ZNF609: variants seen among roughly 807,000 people sequenced by gnomAD.
The protein encoded by ZNF609 is zinc finger protein 609.
A neutral mutation model predicts 109.5 loss-of-function variants in ZNF609; 11 were observed. That is an observed-to-expected ratio of 0.10 (90% CI 0.06 to 0.17). The LOEUF is 0.17. ZNF609 is among the 10% of genes least tolerant of loss of function. The pLI, the probability that ZNF609 is intolerant of heterozygous loss-of-function variation, is 1.00. For missense variants in ZNF609, 1,559 were observed against 1,772.4 expected (o/e 0.88, Z 2.16); for synonymous variants, 646 against 662.0 (o/e 0.98, Z 0.37).
chr15:64,485,538 C>T (rs962695536), intron 1 of ZNF609, among the ~76,000 whole-genome samples: 3 of 152,186 alleles, frequency 2.0e-5, no homozygotes, highest in Non-Finnish European at 4.4e-5. Flanking sequence ...TGCAGTGGCT[C>T]ATGCCTATAA....
At chr15:64,555,095 C>A (rs1164755177) in intron 2 of ZNF609, among the ~76,000 whole-genome samples, 9 of 142,680 alleles carry the variant, frequency 6.3e-5, no homozygotes, top group Admixed American at 7.0e-5. Context: ...GACACCATCT[C>A]AAAAAAAAAA....
At chr15:64,666,853 C>T (rs999046554) in intron 3 of ZNF609, among the ~76,000 whole-genome samples, 5 of 150,078 alleles carry the variant, frequency 3.3e-5, no homozygotes, top group Admixed American at 2.7e-4. Context: ...TTGGGCCAGG[C>T]GCGGTGGCTC....
rs575813641 is a variant in ZNF609, at chr15:64,524,587, C to T, written c.747+24421C>T. On this transcript the variant is annotated intron_variant, in intron 2 of 9. Transcript: ENST00000326648. The stretch of plus-strand genomic sequence containing the variant: ...TCAAAAAAAAAAAAAAAGGGGGGGG[C>T]CTTTTGTGTCTGACTCCTTTCACTT... 1.7e-3 allele frequency among the ~76,000 whole-genome samples: 256 copies of T among 150,630 alleles called. 2 individuals carry two copies. Among genetic ancestry groups the T allele is most frequent in the Non-Finnish European group, 2.3e-3 (158 of 67,610 alleles).
rs181261423 is a variant in ZNF609 at position 64,484,512 on chromosome 15, C to T, written c.-127-14781C>T. On this transcript the variant is annotated intron_variant, in intron 1 of 9. Transcript: ENST00000326648. ...CCAACATGGTGAAACCCCGTCTCTACTAAAAATACAAAAATTAGCTGGGCG... is the reference window on the plus strand; with the variant it reads ...CCAACATGGTGAAACCCCGTCTCTATTAAAAATACAAAAATTAGCTGGGCG... Among the ~76,000 whole-genome samples, 544 of 151,676 alleles carry T rather than the reference C, an allele frequency of 3.6e-3. 2 individuals are homozygous for T. Among genetic ancestry groups the T allele is most frequent in the African/African-American group, 0.011 (467 of 41,292 alleles).
intron 1 of ZNF609, among the ~76,000 whole-genome samples, chr15:64,465,235 C>A (rs1892998140): frequency 1.3e-5 from 2 of 152,152 alleles, no homozygotes; most frequent in Non-Finnish European, 2.9e-5. Flanking sequence ...AGGTTTTATG[C>A]AAATGATGTA....
intron 2 of ZNF609, among the ~76,000 whole-genome samples, chr15:64,608,448 C>T (rs968564652): frequency 3.9e-5 from 6 of 151,938 alleles, no homozygotes; most frequent in Non-Finnish European, 7.4e-5. Context: ...GTTCAGATTT[C>T]CCCCATTTAC....
intron 2 of ZNF609, among the ~76,000 whole-genome samples, chr15:64,616,509 G>C (rs1328409416): frequency 7.3e-6 from 1 of 137,656 alleles, no homozygotes; most frequent in African/African-American, 2.6e-5. Flanking sequence ...TTATTAAACT[G>C]ATATCTTTTT....
chr15:64,609,130 T>TTATTTCTTTCTTTC (rs750700444), intron 2 of ZNF609, among the ~76,000 whole-genome samples: 2 of 84,212 alleles, frequency 2.4e-5, no homozygotes, highest in African/African-American at 4.4e-5. Context: ...CTTTCTTTCT[T>TTATTTCTTTCTTTC]TTTTTCTTTC....
intron 2 of ZNF609, among the ~76,000 whole-genome samples, chr15:64,582,580 G>A (rs763172684): frequency 2.0e-5 from 3 of 151,870 alleles, no homozygotes; most frequent in African/African-American, 2.4e-5. Flanking sequence ...CCAACTTTTT[G>A]CTTACTTCAT....
chr15:64,495,403 G>T (rs1382030265), intron 1 of ZNF609, among the ~76,000 whole-genome samples: 1 of 152,034 alleles, frequency 6.6e-6, no homozygotes, highest in African/African-American at 2.4e-5. Flanking sequence ...TTTGCTGGTT[G>T]AATTTTTTCA....
At position 64,674,848 on chromosome 15, in the gene ZNF609, C is replaced by G. The variant is rs370988343; in HGVS notation, c.1994C>G (p.Pro665Arg). The G allele has an allele frequency of 5.9e-4, 947 of 1,614,160 alleles. 16 individuals carry two copies. In the South Asian group the frequency reaches 8.5e-3, roughly 15 times the overall value. ...SARPIAPAIP[P>R]QQIYTFQTAT... ...CGTCCCATTGCCCCTGCCATCCCCC[C>G]ACAGCAAATCTACACCTTCCAGACA... Residue 665 changes from proline (P) to arginine (R), a missense_variant, in exon 5 of 10, where the codon CCA (proline) becomes CGA (arginine). Around this residue, in one of 4 missense-constraint regions of ZNF609, gnomAD observed 1,204 missense variants for 1,314.1 expected, o/e 0.92. Coordinates refer to ENST00000326648, the MANE Select transcript of ZNF609 (RefSeq NM_015042.2).
chr15:64,624,317 A>G (rs1446364830), intron 3 of ZNF609, among the ~76,000 whole-genome samples: 1 of 152,194 alleles, frequency 6.6e-6, no homozygotes, highest in Non-Finnish European at 1.5e-5. Context: ...CAATCTGAAA[A>G]TCACAAAGTG....
chr15:64,460,382 C>T (rs1232062713), upstream of ZNF609, among the ~76,000 whole-genome samples: 1 of 152,168 alleles, frequency 6.6e-6, no homozygotes, highest in African/African-American at 2.4e-5. Flanking sequence ...ACCGGCACGC[C>T]GGGTTTTCCA....
At chr15:64,498,052 TAGTC>T (rs1164039250) in intron 1 of ZNF609, among the ~76,000 whole-genome samples, 1 of 152,098 alleles carries the variant, frequency 6.6e-6, no homozygotes, top group Admixed American at 6.6e-5. Flanking sequence ...CAAGTCTTGT[TAGTC>T]AGGAGATAGT....
At chr15:64,467,508 A>G (rs1893032143) in intron 1 of ZNF609, among the ~76,000 whole-genome samples, 1 of 152,244 alleles carries the variant, frequency 6.6e-6, no homozygotes, top group Non-Finnish European at 1.5e-5. Context: ...ATGAAAACAC[A>G]GGACATAAAT....
intron 2 of ZNF609, chr15:64,502,032 TGCTTTGCCATATAA>T (rs1893569641): frequency 6.6e-6 from 1 of 152,204 alleles, no homozygotes; most frequent in Admixed American, 6.5e-5. Flanking sequence ...TTAATAATGT[TGCTTTGCCATATAA>T]GCTTTGCCTC....
chr15:64,526,057 C>T (rs1049638925), intron 2 of ZNF609, among the ~76,000 whole-genome samples: 6 of 150,814 alleles, frequency 4.0e-5, no homozygotes, highest in Non-Finnish European at 5.9e-5. Flanking sequence ...CCCAAAGTGC[C>T]GGGATTACAA....
rs565968697 is a variant in ZNF609 at position 64,678,542 on chromosome 15, T to A, written c.3769+60T>A. The A allele has an allele frequency of 1.8e-5, 28 of 1,515,712 alleles. No homozygotes were observed. In the East Asian group the frequency reaches 6.4e-4, roughly 35 times the overall value. The allele number at this position is 1,515,712 out of a possible 1,614,324, so 93.9% of individuals were successfully genotyped here. On this transcript the variant is annotated intron_variant, in intron 6 of 9. Coordinates refer to ENST00000326648, the MANE Select transcript of ZNF609 (RefSeq NM_015042.2). ...TGGAAGGGGGAATGAAGCACAGATTTCACATCCAGAGTTTTCTTGCTCAGC... is the reference window on the plus strand; with the variant it reads ...TGGAAGGGGGAATGAAGCACAGATTACACATCCAGAGTTTTCTTGCTCAGC...
intron 3 of ZNF609, among the ~76,000 whole-genome samples, chr15:64,644,593 C>G (rs189992713): frequency 1.3e-5 from 2 of 152,346 alleles, no homozygotes; most frequent in East Asian, 3.9e-4. Flanking sequence ...ACCAGAGCTT[C>G]TGCCTTGATA....
Sources: gnomAD v4.1 joint callset for allele counts (sites outside exome capture counted in the v4.1 genomes callset) on GRCh38, gnomAD v4.1.1 for gene constraint, gnomAD v4.1.1 regional missense constraint, MANE v1.5 for transcripts, NCBI Gene and HGNC (gene_info 2026-07-23, HGNC 2026-07-21) for gene names.